Variants in TG observed in about 807,000 individuals in gnomAD.
The protein encoded by TG is thyroid hormones.
Under a neutral mutation model 324.7 loss-of-function variants are expected in TG, and 270 were observed. The ratio of observed to expected loss-of-function variants is 0.83; its 90% CI spans 0.75 to 0.92. The LOEUF is 0.92. Among genes scored for constraint, TG ranks in the 40% least tolerant of loss-of-function variants. TG has a pLI of 0.00. For synonymous variants in TG, 1,401 were observed against 1,327.0 expected (o/e 1.06, Z -1.21); for missense variants, 3,591 against 3,456.4 (o/e 1.04, Z -0.98).
intron 35 of TG, chr8:132,995,471 A>G (rs1832782192): frequency 3.5e-5 from 34 of 985,230 alleles, no homozygotes; most frequent in East Asian, 1.1e-4. Flanking sequence ...ACCCTTGTTC[A>G]GCACCCCAAA....
At chr8:133,030,738 G>T (rs1304187753) in intron 41 of TG, among the ~76,000 whole-genome samples, 1 of 152,222 alleles carries the variant, frequency 6.6e-6, no homozygotes, top group Non-Finnish European at 1.5e-5. Context: ...GAAGGCCCCA[G>T]CCAAGCATAA....
chr8:133,053,004 G>A (rs1041623155), intron 41 of TG, among the ~76,000 whole-genome samples: 1 of 152,184 alleles, frequency 6.6e-6, no homozygotes, highest in Non-Finnish European at 1.5e-5. Flanking sequence ...TATTAACATG[G>A]CACTGTGCTG....
intron 26 of TG, among the ~76,000 whole-genome samples, chr8:132,946,147 A>G (rs1384980903): frequency 6.6e-6 from 1 of 152,086 alleles, no homozygotes; most frequent in Non-Finnish European, 1.5e-5. Flanking sequence ...TTTGAACTAA[A>G]TGTATTTTCT....
intron 31 of TG, among the ~76,000 whole-genome samples, chr8:132,969,041 G>GC (rs1441951565): frequency 6.6e-6 from 1 of 152,016 alleles, no homozygotes; most frequent in Non-Finnish European, 1.5e-5. Flanking sequence ...GCATCTAGAG[G>GC]CCAAATAGCT....
chr8:132,913,774 TG>T lies in TG; in HGVS notation c.4378+510del, dbSNP rs548728352. On this transcript the variant is annotated intron_variant, in intron 20 of 47. Transcript: ENST00000220616. Reference sequence around the variant, plus strand: ...TTTAATGGAAGTTGCATTAGTTTCCTGTTGCTACCATAGTAAATGACCAAAA... The same window carrying T: ...TTTAATGGAAGTTGCATTAGTTTCCTTTGCTACCATAGTAAATGACCAAAA... 1.4e-4 allele frequency among the ~76,000 whole-genome samples: 22 copies of T among 152,360 alleles called. No homozygotes were observed. In the South Asian group the frequency reaches 2.1e-3, roughly 14 times the overall value.
intron 34 of TG, among the ~76,000 whole-genome samples, chr8:132,980,530 T>C (rs1224579688): frequency 1.3e-5 from 2 of 152,048 alleles, no homozygotes; most frequent in Non-Finnish European, 2.9e-5. Context: ...AATAAAACTT[T>C]AATAGATAGT....
At chr8:133,089,177 C>G (rs1847100432) in intron 41 of TG, among the ~76,000 whole-genome samples, 1 of 152,224 alleles carries the variant, frequency 6.6e-6, no homozygotes, top group South Asian at 2.1e-4. Context: ...CTCAGATGCT[C>G]CCCACTCCAG....
At chr8:133,004,664 G>A (rs1833864344) in intron 35 of TG, among the ~76,000 whole-genome samples, 1 of 152,158 alleles carries the variant, frequency 6.6e-6, no homozygotes, top group Non-Finnish European at 1.5e-5. Flanking sequence ...GTGAGAGTAG[G>A]GGACACACAG....
chr8:133,128,666 A>G (rs566321431), intron 45 of TG, among the ~76,000 whole-genome samples: 1 of 152,308 alleles, frequency 6.6e-6, no homozygotes, highest in South Asian at 2.1e-4. Context: ...TCCCAAGCCC[A>G]AAGTCTGCCT....
At chr8:132,928,660 CTT>C (rs1822238744) in intron 22 of TG, among the ~76,000 whole-genome samples, 1 of 152,118 alleles carries the variant, frequency 6.6e-6, no homozygotes, top group Non-Finnish European at 1.5e-5. Context: ...ATGCACATGT[CTT>C]TTAAAAAATA....
At chr8:133,005,013 T>C (rs996878160) in intron 35 of TG, among the ~76,000 whole-genome samples, 1 of 152,092 alleles carries the variant, frequency 6.6e-6, no homozygotes, top group Non-Finnish European at 1.5e-5. Flanking sequence ...GTTTGGACAA[T>C]GGAGGGAGTG....
chr8:132,985,998 C>A (rs1831476026), intron 35 of TG, among the ~76,000 whole-genome samples: 1 of 152,044 alleles, frequency 6.6e-6, no homozygotes, highest in East Asian at 1.9e-4. Flanking sequence ...CAAAACAATA[C>A]TATAGTATTT....
rs191817091 is a variant in TG at position 132,936,605 on chromosome 8, A to G, written c.5041+741A>G. Among the ~76,000 whole-genome samples, 12 of 152,346 alleles carry G rather than the reference A, an allele frequency of 7.9e-5. No homozygotes were observed. The East Asian group carries it at 2.3e-3, about 29-fold the overall frequency. On this transcript the variant is annotated intron_variant, in intron 25 of 47. Coordinates refer to ENST00000220616, the MANE Select transcript of TG (RefSeq NM_003235.5). Reference sequence around the variant, plus strand: ...ATGGAAACTCTTGGAGAAAGGCACAAAGGGGATTCCAATCCCCATGTACAC... The same window carrying G: ...ATGGAAACTCTTGGAGAAAGGCACAGAGGGGATTCCAATCCCCATGTACAC...
At chr8:133,011,496 C>T (rs556108441) in intron 35 of TG, among the ~76,000 whole-genome samples, 2 of 152,252 alleles carry the variant, frequency 1.3e-5, no homozygotes, top group African/African-American at 4.8e-5. Context: ...CTGTAAAGAC[C>T]TGAGCATAGT....
chr8:132,894,053 G>A, intron 11 of TG, 124 bp downstream of exon 11: 2 of 1,463,848 alleles, frequency 1.4e-6, no homozygotes, highest in East Asian at 4.7e-5. Context: ...TGGGTTCTTG[G>A]GAAGGAAAAG....
At chr8:132,936,538 G>C (rs1823621324) in intron 25 of TG, among the ~76,000 whole-genome samples, 1 of 152,238 alleles carries the variant, frequency 6.6e-6, no homozygotes, top group Non-Finnish European at 1.5e-5. Flanking sequence ...GTACTGTATA[G>C]TTTATGACTT....
chr8:133,110,319 C>T (rs1444774907), intron 43 of TG, among the ~76,000 whole-genome samples: 2 of 152,190 alleles, frequency 1.3e-5, no homozygotes, highest in Non-Finnish European at 2.9e-5. Flanking sequence ...CTGCCTTCCC[C>T]ACCTGCCTTC....
chr8:132,999,643 G>A (rs1833253125), intron 35 of TG, among the ~76,000 whole-genome samples: 1 of 152,192 alleles, frequency 6.6e-6, no homozygotes, highest in Non-Finnish European at 1.5e-5. Flanking sequence ...TAGCCTAGGA[G>A]TGAAGAATAG....
At chr8:132,947,416 A>T (rs1825476917) in intron 26 of TG, among the ~76,000 whole-genome samples, 1 of 152,236 alleles carries the variant, frequency 6.6e-6, no homozygotes, top group Non-Finnish European at 1.5e-5. Flanking sequence ...ACTTAAAAAA[A>T]TTCAGAGATT....
Sources: allele counts gnomAD v4.1 joint callset (sites outside exome capture counted in the v4.1 genomes callset), GRCh38; gene constraint gnomAD v4.1.1; transcripts MANE v1.5; gene names NCBI Gene and HGNC (gene_info 2026-07-23, HGNC 2026-07-21).